The following ERC1 variants were observed in gnomAD, a reference collection of about 807,000 sequenced individuals.
The protein encoded by ERC1 is RAB6 interacting protein 2.
In ERC1, 56 loss-of-function variants were observed where a neutral mutation model predicts 132.0. The observed-to-expected ratio is 0.42, with a 90% CI of 0.34 to 0.53. The LOEUF (loss-of-function observed/expected upper bound fraction) is 0.53, where lower values mean the gene tolerates loss of function less well. Ranked by LOEUF, ERC1 falls within the 20% of genes least tolerant of loss-of-function variation. ERC1 has a pLI of 0.03. For synonymous variants in ERC1, 478 were observed against 476.1 expected (o/e 1.00, Z -0.05); for missense variants, 1,202 against 1,349.9 (o/e 0.89, Z 1.72).
rs1003901564 is a variant in ERC1, at chr12:1,293,578, G to A, written c.2780+3566G>A. On this transcript the variant is annotated intron_variant, in intron 15 of 18. Coordinates refer to ENST00000360905, the MANE Select transcript of ERC1 (RefSeq NM_178040.4). The stretch of plus-strand genomic sequence containing the variant: ...CAGGAGGCGGAGGTTGCAGTGAGCC[G>A]AGATCGTGCCATTGCACTCCCGCCT... 3.0e-4 allele frequency among the ~76,000 whole-genome samples: 44 copies of A among 147,822 alleles called. 1 individual carries two copies. Among genetic ancestry groups the A allele is most frequent in the African/African-American group, 1.1e-3 (43 of 40,054 alleles).
intron 3 of ERC1, among the ~76,000 whole-genome samples, chr12:1,096,427 G>C (rs1346148104): frequency 6.6e-6 from 1 of 152,168 alleles, no homozygotes; most frequent in South Asian, 2.1e-4. Context: ...GTTAATAAAT[G>C]AAGATTGTTT....
chr12:1,403,600 AC>A (rs2091250165), intron 16 of ERC1, among the ~76,000 whole-genome samples: 1 of 152,180 alleles, frequency 6.6e-6, no homozygotes, highest in South Asian at 2.1e-4. Flanking sequence ...GTAAGTTCTT[AC>A]AACTGTTTTT....
chr12:1,457,215 T>C (rs2093556385), intron 18 of ERC1, among the ~76,000 whole-genome samples: 1 of 152,194 alleles, frequency 6.6e-6, no homozygotes, highest in Non-Finnish European at 1.5e-5. Flanking sequence ...TGTAAGTCAG[T>C]CTGTGATGTT....
Position 1,333,579 on chromosome 12 carries a change from T to TGC in ERC1, c.2781-38254_2781-38253insGC, listed in dbSNP as rs2154358990. ...ATCTCCTGACCTCATGATCCACCCATCTCAGCCTCCCAAAGTGCTGGGATT... is the reference window on the plus strand; with the variant it reads ...ATCTCCTGACCTCATGATCCACCCATGCCTCAGCCTCCCAAAGTGCTGGGATT... On this transcript the variant is annotated intron_variant, in intron 15 of 18. Coordinates refer to ENST00000360905, the MANE Select transcript of ERC1 (RefSeq NM_178040.4). Among the ~76,000 whole-genome samples, 3 of 152,054 alleles carry TGC rather than the reference T, an allele frequency of 2.0e-5. No homozygotes were observed. The South Asian group carries it at 6.2e-4, about 32-fold the overall frequency.
chr12:1,344,491 C>T (rs1012008147), intron 15 of ERC1, among the ~76,000 whole-genome samples: 1 of 152,154 alleles, frequency 6.6e-6, no homozygotes, highest in Admixed American at 6.5e-5. Context: ...GAAACCCTGA[C>T]GGTGCCTTTT....
At chr12:999,140 G>T (rs946943110) in intron 1 of ERC1, among the ~76,000 whole-genome samples, 2 of 152,124 alleles carry the variant, frequency 1.3e-5, no homozygotes, top group Admixed American at 1.3e-4. Context: ...GATTATAGGC[G>T]TGAGCCACCG....
intron 15 of ERC1, among the ~76,000 whole-genome samples, chr12:1,369,393 C>T (rs886665968): frequency 2.0e-5 from 3 of 152,220 alleles, no homozygotes; most frequent in African/African-American, 7.2e-5. Flanking sequence ...AAATAGGCCT[C>T]AAGTCTGATC....
intron 15 of ERC1, among the ~76,000 whole-genome samples, chr12:1,335,137 T>TG (rs1201845592): frequency 2.6e-5 from 4 of 152,176 alleles, no homozygotes; most frequent in African/African-American, 7.2e-5. Context: ...ACCAAGACGA[T>TG]GGGGTTTTCT....
At chr12:1,081,682 T>C (rs1357215438) in intron 2 of ERC1, among the ~76,000 whole-genome samples, 1 of 152,144 alleles carries the variant, frequency 6.6e-6, no homozygotes, top group Non-Finnish European at 1.5e-5. Flanking sequence ...AAGTGTGTAA[T>C]GGTAGTTGCC....
intron 12 of ERC1, 138 bp downstream of exon 12, chr12:1,190,190 T>C: frequency 1.2e-6 from 1 of 823,948 alleles, no homozygotes; most frequent in Non-Finnish European, 2.1e-6. Flanking sequence ...TTAGCTGCCT[T>C]TTTTCTAGGT....
intron 13 of ERC1, among the ~76,000 whole-genome samples, chr12:1,254,509 A>T (rs1245720709): frequency 2.0e-5 from 3 of 151,802 alleles, no homozygotes; most frequent in Non-Finnish European, 4.4e-5. Context: ...TTTTATTTTT[A>T]TTTTATTTTA....
chr12:1,070,946 A>G (rs1004438109), intron 2 of ERC1, among the ~76,000 whole-genome samples: 4 of 152,224 alleles, frequency 2.6e-5, no homozygotes, highest in African/African-American at 9.6e-5. Flanking sequence ...AAATGGAATC[A>G]TACAGTCTGT....
intron 17 of ERC1, among the ~76,000 whole-genome samples, chr12:1,440,359 C>G (rs796175493): frequency 6.7e-6 from 1 of 149,892 alleles, no homozygotes. Context: ...CGCCCGCCAC[C>G]ACGCCCGGCT....
At chr12:1,050,914 A>C (rs1170565832) in intron 2 of ERC1, among the ~76,000 whole-genome samples, 2 of 152,128 alleles carry the variant, frequency 1.3e-5, no homozygotes, top group Non-Finnish European at 2.9e-5. Flanking sequence ...CTGAGGCAGG[A>C]GAATCGCTTG....
intron 12 of ERC1, among the ~76,000 whole-genome samples, chr12:1,198,860 G>A (rs1295749367): frequency 6.6e-6 from 1 of 152,140 alleles, no homozygotes; most frequent in Admixed American, 6.5e-5. Flanking sequence ...AGCACTAGGG[G>A]GATGGTGCTA....
chr12:1,233,845 C>T (rs527881278), intron 12 of ERC1, among the ~76,000 whole-genome samples: 4 of 152,040 alleles, frequency 2.6e-5, no homozygotes, highest in East Asian at 1.9e-4. Flanking sequence ...AATGTATGGG[C>T]GTTTTTTGTA....
chr12:1,286,442 G>A (rs1489782375), intron 14 of ERC1, among the ~76,000 whole-genome samples: 1 of 151,884 alleles, frequency 6.6e-6, no homozygotes, highest in Non-Finnish European at 1.5e-5. Context: ...AGCAATACAA[G>A]GGAATTTCCT....
chr12:1,243,935 C>A (rs893365172), intron 13 of ERC1, among the ~76,000 whole-genome samples: 3 of 152,084 alleles, frequency 2.0e-5, no homozygotes, highest in African/African-American at 7.2e-5. Context: ...ATATTTTTTT[C>A]TATGTAGAGC....
chr12:1,376,450 C>T (rs1317361529), intron 16 of ERC1, among the ~76,000 whole-genome samples: 2 of 152,172 alleles, frequency 1.3e-5, no homozygotes, highest in South Asian at 4.1e-4. Flanking sequence ...TATAACTTTT[C>T]AGAATTCTGT....
Sources: allele counts gnomAD v4.1 joint callset (sites outside exome capture counted in the v4.1 genomes callset), GRCh38; gene constraint gnomAD v4.1.1; transcripts MANE v1.5; gene names NCBI Gene and HGNC (gene_info 2026-07-23, HGNC 2026-07-21).